Variants in ZNF226 observed in about 807,000 individuals in gnomAD.
ZNF226 encodes the protein Kruppel-associated box protein.
A neutral mutation model predicts 11.4 loss-of-function variants in ZNF226; 6 were observed. The observed-to-expected ratio is 0.53, with a 90% CI of 0.29 to 1.04. The LOEUF (loss-of-function observed/expected upper bound fraction) is 1.04. ZNF226 is among the 50% of genes least tolerant of loss of function. ZNF226 has a pLI of 0.08. For synonymous variants in ZNF226, 350 were observed against 322.8 expected, an observed-to-expected ratio of 1.08 and a Z score of -0.90; for missense variants, 1,058 against 956.5, an observed-to-expected ratio of 1.11 and a Z score of -1.40.
At position 44,175,793 on chromosome 19, in the gene ZNF226, C is replaced by G; in HGVS notation, c.531C>G (p.Phe177Leu). The G allele has an allele frequency of 6.2e-7, 1 of 1,613,654 alleles. No individual in the cohort carries two copies. The highest frequency in any genetic ancestry group is 1.1e-5 in the South Asian group (1 of 91,006). The change falls in exon 6 of 6, where the codon TTC (phenylalanine) becomes TTG (leucine). Residue 177 changes from phenylalanine (F) to leucine (L), a missense_variant. Coordinates refer to ENST00000337433, the MANE Select transcript of ZNF226 (RefSeq NM_001032373.2). ...LRTQDSWRKT[F>L]LTESQRLNRD... is the part of the protein sequence containing the mutation. ...CCCAGGATTCTTGGAGGAAAACATT[C>G]CTGACTGAGTCACAGAGATTGAACA...
At chr19:44,193,850 A>G in the ZNF226 span, among the ~76,000 whole-genome samples, 1 of 152,194 alleles carries the variant, frequency 6.6e-6, no homozygotes, top group Non-Finnish European at 1.5e-5. Context: ...TTTGCCAATT[A>G]TTTTTTAAAT....
chr19:44,185,578 C>A, the ZNF226 span, among the ~76,000 whole-genome samples: 4 of 151,900 alleles, frequency 2.6e-5, no homozygotes, highest in African/African-American at 9.7e-5. Flanking sequence ...GAACTTTGCC[C>A]ATTTCTTTCA....
the ZNF226 span, among the ~76,000 whole-genome samples, chr19:44,194,596 C>G: frequency 1.6e-4 from 24 of 152,200 alleles, 1 homozygote; most frequent in East Asian, 4.2e-3. Context: ...CTTTAATTGT[C>G]CACTAAAATC....
chr19:44,198,801 A>G, the ZNF226 span, among the ~76,000 whole-genome samples: 2 of 152,114 alleles, frequency 1.3e-5, no homozygotes, highest in Non-Finnish European at 2.9e-5. Flanking sequence ...TTTCTTTAAT[A>G]TAACTTTTCT....
At chr19:44,195,000 G>A in the ZNF226 span, among the ~76,000 whole-genome samples, 2 of 152,122 alleles carry the variant, frequency 1.3e-5, no homozygotes, top group Non-Finnish European at 2.9e-5. Flanking sequence ...TTTAAGCCAG[G>A]CTTGCAGAGC....
At chr19:44,173,207 A>G (rs1050810516) in intron 5 of ZNF226, 60 of 544,246 alleles carry the variant, frequency 1.1e-4, no homozygotes, top group Non-Finnish European at 1.6e-4. Flanking sequence ...TATTTTACAT[A>G]GAGTAAAATC....
Position 44,176,605 on chromosome 19 carries a change from A to G in ZNF226, c.1343A>G (p.Lys448Arg). ...QRVHTGEKPYKCEECGKGFSR... is the reference protein window; with the variant it reads ...QRVHTGEKPYRCEECGKGFSR... ...GTCCACACAGGAGAAAAACCCTATAAATGTGAGGAATGTGGTAAAGGCTTT... is the reference window on the plus strand; with the variant it reads ...GTCCACACAGGAGAAAAACCCTATAGATGTGAGGAATGTGGTAAAGGCTTT... Residue 448 changes from lysine (K) to arginine (R), a missense_variant, in exon 6 of 6, where the codon AAA becomes AGA. Coordinates refer to ENST00000337433, the MANE Select transcript of ZNF226 (RefSeq NM_001032373.2). The G allele has an allele frequency of 6.2e-7, 1 of 1,614,052 alleles. No individual in the cohort carries two copies. Among genetic ancestry groups the G allele is most frequent in the Non-Finnish European group, 8.5e-7 (1 of 1,179,980 alleles).
At chr19:44,199,230 A>G in the ZNF226 span, among the ~76,000 whole-genome samples, 3 of 152,286 alleles carry the variant, frequency 2.0e-5, no homozygotes, top group African/African-American at 7.2e-5. Context: ...GCTGAAGTGC[A>G]GTGGCACAAT....
At chr19:44,175,171 T>C in intron 5 of ZNF226, 1 of 1,467,270 alleles carries the variant, frequency 6.8e-7, no homozygotes. Flanking sequence ...GGTTGTAAAC[T>C]GTGAGCACTA....
chr19:44,192,087 G>A, the ZNF226 span, among the ~76,000 whole-genome samples: 1 of 152,110 alleles, frequency 6.6e-6, no homozygotes, highest in Non-Finnish European at 1.5e-5. Flanking sequence ...TTGAGCAGGC[G>A]GATATGTGGC....
chr19:44,178,714 G>C (rs950758256), downstream of ZNF226, among the ~76,000 whole-genome samples: 3 of 152,070 alleles, frequency 2.0e-5, no homozygotes, highest in Admixed American at 6.6e-5. Flanking sequence ...CTTTTTTCTG[G>C]AATTCATAGA....
chr19:44,186,094 T>C, the ZNF226 span, among the ~76,000 whole-genome samples: 1 of 152,136 alleles, frequency 6.6e-6, no homozygotes, highest in African/African-American at 2.4e-5. Flanking sequence ...TTCTGGGTTC[T>C]GTGTTATATT....
chr19:44,183,491 A>G, the ZNF226 span, among the ~76,000 whole-genome samples: 6 of 152,354 alleles, frequency 3.9e-5, no homozygotes, highest in African/African-American at 1.4e-4. Context: ...ATAACCTGAA[A>G]GCAAAACCAC....
At chr19:44,169,962 A>C in intron 2 of ZNF226, 73 bp from the exon 3 acceptor site, 1 of 1,018,818 alleles carries the variant, frequency 9.8e-7, no homozygotes, top group Non-Finnish European at 1.4e-6. Flanking sequence ...ACCTTTGCTA[A>C]TTCCTAAAGA....
intron 2 of ZNF226, chr19:44,166,591 C>T (rs1210989483): frequency 6.6e-6 from 1 of 152,106 alleles, no homozygotes; most frequent in Admixed American, 6.5e-5. Context: ...TCATGGAAAA[C>T]ACAGAAATAC....
chr19:44,177,165 A>C lies in ZNF226; in HGVS notation c.1903A>C (p.Arg635=). 6.2e-7 allele frequency: 1 copy of C among 1,613,320 alleles called. No homozygotes were observed. The highest frequency in any genetic ancestry group is 1.1e-5 in the South Asian group (1 of 91,036). Residue 635 remains arginine (R), a synonymous_variant, in exon 6 of 6, where the codon AGA becomes CGA. Transcript: ENST00000337433. The part of the protein sequence containing the change: ...RQASNLLAHQ[R]VHSGEKPFKC... ...GGCCTCAAATCTTTTGGCCCATCAGAGAGTCCACAGTGGAGAAAAACCATT... is the reference window on the plus strand; with the variant it reads ...GGCCTCAAATCTTTTGGCCCATCAGCGAGTCCACAGTGGAGAAAAACCATT...
chr19:44,198,947 G>C, the ZNF226 span, among the ~76,000 whole-genome samples: 1 of 152,050 alleles, frequency 6.6e-6, no homozygotes, highest in African/African-American at 2.4e-5. Context: ...TGGGATTACA[G>C]ACATGCCACC....
Position 44,176,523 on chromosome 19 carries a change from T to C in ZNF226, c.1261T>C (p.Cys421Arg). ...TCATACAGGAGAGAAACCATACAAA[T>C]GTGAGGAGTGTGGTAAGGGCTTCAT... is the stretch of plus-strand genomic sequence containing the variant. ...RVHTGEKPYKCEECGKGFICS... is the reference protein window; with the variant it reads ...RVHTGEKPYKREECGKGFICS... Residue 421 changes from cysteine to arginine, a missense_variant, in exon 6 of 6, where the codon TGT becomes CGT. By Grantham distance (180) the Cys-to-Arg change is radical. Coordinates refer to ENST00000337433, the MANE Select transcript of ZNF226 (RefSeq NM_001032373.2). 6.2e-7 allele frequency: 1 copy of C among 1,614,106 alleles called. No homozygotes were observed. The highest frequency in any genetic ancestry group is 8.5e-7 in the Non-Finnish European group (1 of 1,180,008).
intron 2 of ZNF226, among the ~76,000 whole-genome samples, chr19:44,168,024 A>G (rs10425945): frequency 0.61 from 93,223 of 151,980 alleles, 29,002 homozygotes; most frequent in African/African-American, 0.71. Flanking sequence ...GGGAAATAAC[A>G]AGACTGGAGT....
Sources: gnomAD v4.1 joint callset for allele counts (sites outside exome capture counted in the v4.1 genomes callset) on GRCh38, gnomAD v4.1.1 for gene constraint, MANE v1.5 for transcripts, NCBI Gene and HGNC (gene_info 2026-07-23, HGNC 2026-07-21) for gene names.